MTMR10: variants seen among roughly 807,000 people sequenced by gnomAD.
MTMR10 encodes myotubularin-related protein 10.
Under a neutral mutation model 88.1 loss-of-function variants are expected in MTMR10, and 56 were observed. The ratio of observed to expected loss-of-function variants is 0.64; its 90% confidence interval spans 0.51 to 0.79. MTMR10 has a LOEUF of 0.79. Ranked by LOEUF, MTMR10 falls within the 30% of genes least tolerant of loss-of-function variation. MTMR10 has a pLI of 0.00. For synonymous variants in MTMR10, 380 were observed against 340.9 expected (o/e 1.11, Z -1.26); for missense variants, 883 against 924.7 (o/e 0.95, Z 0.58).
Position 30,939,928 on chromosome 15 carries a change from TTAAGA to T in MTMR10, c.*1537_*1541del, listed in dbSNP as rs1434358742. On this transcript the variant is annotated 3_prime_UTR_variant, in exon 16 of 16. Transcript: ENST00000435680. ...TGGGTTTACCCATAAAGTGAATTTC[TTAAGA>T]TATTTTTTAAGAACTCCTGTCCTGT... 6 of 985,288 alleles carry T rather than the reference TTAAGA, an allele frequency of 6.1e-6. No homozygotes were observed. The highest frequency in any genetic ancestry group is 7.2e-6 in the Non-Finnish European group (6 of 829,854). 61.0% of individuals were successfully genotyped at this position (985,288 alleles called of 1,614,324 possible). A position where few individuals can be genotyped will look rare whatever the true frequency, so the allele number is the denominator to read the frequency against.
intron 2 of MTMR10, among the ~76,000 whole-genome samples, chr15:30,978,885 T>A (rs1008959521): frequency 7.1e-6 from 1 of 140,462 alleles, no homozygotes; most frequent in Non-Finnish European, 1.6e-5. Context: ...AGAAAAAAAA[T>A]TTAAGATGAC....
At chr15:30,959,005 A>G (rs769023237) in intron 8 of MTMR10, 29 bp downstream of exon 8, 3 of 1,613,404 alleles carry the variant, frequency 1.9e-6, no homozygotes, top group African/African-American at 2.7e-5. Flanking sequence ...GGACGTCAGC[A>G]TTCATAAAAT....
chr15:30,955,940 A>G (rs1246371894), intron 9 of MTMR10, among the ~76,000 whole-genome samples: 1 of 151,738 alleles, frequency 6.6e-6, no homozygotes, highest in Non-Finnish European at 1.5e-5. Context: ...TGGGATTCCC[A>G]TCTATATTCA....
intron 5 of MTMR10, among the ~76,000 whole-genome samples, chr15:30,972,399 C>T (rs1257909746): frequency 6.6e-6 from 1 of 152,038 alleles, no homozygotes; most frequent in Non-Finnish European, 1.5e-5. Context: ...GCCCTGCAAC[C>T]CCCGTGGCTA....
At chr15:30,928,041 G>A in the MTMR10 span, 2 of 990,988 alleles carry the variant, frequency 2.0e-6, no homozygotes, top group Non-Finnish European at 2.4e-6. Context: ...TACCCAGGGG[G>A]ATGAGGTGCA....
At chr15:30,984,687 G>T (rs1037116149) in intron 2 of MTMR10, among the ~76,000 whole-genome samples, 15 of 152,090 alleles carry the variant, frequency 9.9e-5, no homozygotes, top group African/African-American at 3.4e-4. Context: ...TTTCTGATCC[G>T]ATTACAAAAG....
chr15:30,977,344 C>A (rs150200882), intron 2 of MTMR10, among the ~76,000 whole-genome samples: 329 of 152,328 alleles, frequency 2.2e-3, no homozygotes, highest in Non-Finnish European at 4.2e-3. Context: ...ATGACTTGAT[C>A]TCTCAAACCA....
At chr15:30,923,352 T>G in the MTMR10 span, among the ~76,000 whole-genome samples, 1 of 152,170 alleles carries the variant, frequency 6.6e-6, no homozygotes, top group Non-Finnish European at 1.5e-5. Flanking sequence ...AAAGCTTGTG[T>G]TTCTGTCGCC....
At chr15:30,979,865 C>T (rs1248264144) in intron 2 of MTMR10, among the ~76,000 whole-genome samples, 2 of 152,216 alleles carry the variant, frequency 1.3e-5, no homozygotes, top group Admixed American at 6.5e-5. Flanking sequence ...CCATGGCCCA[C>T]GGGCCAAATA....
rs1888524360 is a variant in MTMR10 at position 30,939,404 on chromosome 15, T to C, written c.*2066A>G. On this transcript the variant is annotated 3_prime_UTR_variant, in exon 16 of 16. Coordinates refer to ENST00000435680, the MANE Select transcript of MTMR10 (RefSeq NM_017762.3). ...CAGCCACACCACTGCTGTCACCACA[T>C]GTCCCTCTGACGGCAGAGGTGGTAT... is the stretch of plus-strand genomic sequence containing the variant. 1 of 985,468 alleles carries C rather than the reference T, an allele frequency of 1.0e-6. No homozygotes were observed. Among genetic ancestry groups the C allele is most frequent in the Non-Finnish European group, 1.2e-6 (1 of 829,942 alleles). 61.0% of individuals were successfully genotyped at this position (985,468 alleles called of 1,614,324 possible).
Position 30,948,333 on chromosome 15 carries a change from C to T in MTMR10, c.1346G>A (p.Arg449Lys). The T allele has an allele frequency of 6.2e-7, 1 of 1,613,752 alleles. No homozygotes were observed. Residue 449 changes from arginine (R) to lysine (K), a missense_variant, in exon 13 of 16, where the codon AGA (arginine) becomes AAA (lysine). By Grantham distance (26) the Arg-to-Lys change is conservative. Transcript: ENST00000435680. Reference sequence around the variant, plus strand: ...CTCTGATCTCTTTAGATGGTTGCATCTGTCTAGAAACTGATATCCTGCCAT... The same window carrying T: ...CTCTGATCTCTTTAGATGGTTGCATTTGTCTAGAAACTGATATCCTGCCAT... ...WVMAGYQFLDRCNHLKRSEKE... is the reference protein window; with the variant it reads ...WVMAGYQFLDKCNHLKRSEKE...
chr15:30,982,687 C>T (rs1041563110), intron 2 of MTMR10, among the ~76,000 whole-genome samples: 1 of 152,080 alleles, frequency 6.6e-6, no homozygotes, highest in African/African-American at 2.4e-5. Context: ...CTTCCTATTA[C>T]AATAATTAAG....
chr15:30,983,524 C>G (rs1350827733), intron 2 of MTMR10, among the ~76,000 whole-genome samples: 1 of 152,190 alleles, frequency 6.6e-6, no homozygotes, highest in African/African-American at 2.4e-5. Flanking sequence ...AGAAATTCAT[C>G]ACGTTTGATG....
chr15:30,932,716 C>CTTTT, the MTMR10 span, among the ~76,000 whole-genome samples: 13 of 134,358 alleles, frequency 9.7e-5, no homozygotes, highest in African/African-American at 1.1e-4. Context: ...TGTTTCTTTT[C>CTTTT]TTTTTTTTTT....
chr15:30,963,174 A>C (rs1595927639), intron 6 of MTMR10, among the ~76,000 whole-genome samples: 1 of 152,168 alleles, frequency 6.6e-6, no homozygotes, highest in Non-Finnish European at 1.5e-5. Flanking sequence ...GCCACATTTC[A>C]AGTACTTAAC....
chr15:30,935,317 G>A (rs572348273), downstream of MTMR10, among the ~76,000 whole-genome samples: 1,259 of 151,052 alleles, frequency 8.3e-3, 13 homozygotes, highest in African/African-American at 0.029. Context: ...CAAAAAAAAA[G>A]AAAAAAAGAA....
intron 5 of MTMR10, among the ~76,000 whole-genome samples, chr15:30,973,511 G>T (rs1441850553): frequency 6.6e-6 from 1 of 152,078 alleles, no homozygotes; most frequent in Non-Finnish European, 1.5e-5. Flanking sequence ...ACTAACCATG[G>T]AAAACAAAGG....
chr15:30,975,038 T>C (rs1275631888), intron 3 of MTMR10, 35 bp from the exon 4 acceptor site: 2 of 1,409,042 alleles, frequency 1.4e-6, no homozygotes, highest in Non-Finnish European at 2.0e-6. Context: ...TTAATTCTTT[T>C]CCCAATAATC....
At chr15:30,948,664 T>C (rs1239487773) in intron 12 of MTMR10, 193 bp from the exon 13 acceptor site, 17 of 600,612 alleles carry the variant, frequency 2.8e-5, no homozygotes, top group Non-Finnish European at 4.6e-5. Flanking sequence ...TAGCATTTAA[T>C]AGGAGATGGT....
Sources: allele counts gnomAD v4.1 joint callset (sites outside exome capture counted in the v4.1 genomes callset), GRCh38; gene constraint gnomAD v4.1.1; transcripts MANE v1.5; gene names NCBI Gene and HGNC (gene_info 2026-07-23, HGNC 2026-07-21).